The following NELL1 variants were observed in gnomAD, a reference collection of about 807,000 sequenced individuals.
NELL1 encodes protein kinase C-binding protein NELL1.
A neutral mutation model predicts 107.4 loss-of-function variants in NELL1; 76 were observed. The ratio of observed to expected loss-of-function variants is 0.71; its 90% CI spans 0.59 to 0.86. The LOEUF (loss-of-function observed/expected upper bound fraction) is 0.86, where lower values mean the gene tolerates loss of function less well. Ranked by LOEUF, NELL1 falls within the 40% of genes least tolerant of loss-of-function variation. The pLI is 0.00. For synonymous variants in NELL1, 353 were observed against 341.2 expected (o/e 1.03, Z -0.38); for missense variants, 1,024 against 1,005.5 (o/e 1.02, Z -0.25).
intron 14 of NELL1, among the ~76,000 whole-genome samples, chr11:21,305,187 T>C (rs760891826): frequency 1.3e-5 from 2 of 152,054 alleles, no homozygotes; most frequent in Non-Finnish European, 2.9e-5. Flanking sequence ...CATTTAACTT[T>C]ATGCTCAAAT....
intron 14 of NELL1, among the ~76,000 whole-genome samples, chr11:21,317,893 A>G (rs1270326567): frequency 2.0e-5 from 3 of 152,142 alleles, no homozygotes; most frequent in African/African-American, 7.2e-5. Flanking sequence ...TAATATTATT[A>G]TTATGTAACC....
chr11:20,818,324 C>T (rs562144050), intron 3 of NELL1, among the ~76,000 whole-genome samples: 4 of 150,456 alleles, frequency 2.7e-5, no homozygotes, highest in Non-Finnish European at 4.4e-5. Flanking sequence ...AACTTTTCAG[C>T]ATACGTAACG....
intron 4 of NELL1, among the ~76,000 whole-genome samples, chr11:20,869,444 G>T (rs1172617352): frequency 6.6e-6 from 1 of 152,144 alleles, no homozygotes; most frequent in Non-Finnish European, 1.5e-5. Context: ...AAGTGCTGAT[G>T]GACAATTAAT....
rs1040151385 is a variant in NELL1 at position 21,185,446 on chromosome 11, C to T, written c.1427-43886C>T. Among the ~76,000 whole-genome samples the T allele has an allele frequency of 2.3e-4, 35 of 151,498 alleles. 2 individuals carry two copies. Among genetic ancestry groups the T allele is most frequent in the African/African-American group, 7.1e-4 (29 of 40,926 alleles). The stretch of plus-strand genomic sequence containing the variant: ...AATAGCTGGGATTACAGGTGCCCGC[C>T]ACCACACCCGGCTAATTTTTGTATA... On this transcript the variant is annotated intron_variant, in intron 13 of 19. Transcript: ENST00000357134.
At chr11:21,004,397 G>T (rs1442025992) in intron 12 of NELL1, among the ~76,000 whole-genome samples, 1 of 151,810 alleles carries the variant, frequency 6.6e-6, no homozygotes, top group Non-Finnish European at 1.5e-5. Context: ...TTATTGTCTT[G>T]CTCGATTATG....
rs75785624 is a variant in NELL1, at chr11:20,931,619, G to C, written c.997+3140G>C. 3.6e-3 allele frequency among the ~76,000 whole-genome samples: 554 copies of C among 152,230 alleles called. 8 individuals carry two copies. The highest frequency in any genetic ancestry group is 0.013 in the African/African-American group (520 of 41,540). ...ACAAAGAAAAAATTGTATCTTGTAT[G>C]AATAACTTATAGTCAAATCTTGTTT... On this transcript the variant is annotated intron_variant, in intron 9 of 19. Transcript: ENST00000357134.
At chr11:21,425,139 G>A (rs750484714) in intron 15 of NELL1, among the ~76,000 whole-genome samples, 8 of 152,030 alleles carry the variant, frequency 5.3e-5, no homozygotes, top group Non-Finnish European at 1.0e-4. Flanking sequence ...AGCAATCTAC[G>A]GATTCAAAGC....
intron 12 of NELL1, among the ~76,000 whole-genome samples, chr11:20,999,141 TG>T (rs1455813382): frequency 6.6e-6 from 1 of 152,192 alleles, no homozygotes; most frequent in Non-Finnish European, 1.5e-5. Flanking sequence ...TATCAAATGC[TG>T]GGGTTAAGGT....
intron 2 of NELL1, among the ~76,000 whole-genome samples, chr11:20,725,248 T>C (rs1855483049): frequency 1.3e-5 from 2 of 152,230 alleles, no homozygotes. Flanking sequence ...CCAACTACTA[T>C]TGTTCCAAAT....
intron 12 of NELL1, among the ~76,000 whole-genome samples, chr11:20,992,369 T>G (rs886944759): frequency 3.3e-5 from 5 of 152,210 alleles, no homozygotes; most frequent in Non-Finnish European, 1.5e-5. Flanking sequence ...TGAACGTTTT[T>G]GGGTATTTTG....
intron 14 of NELL1, among the ~76,000 whole-genome samples, chr11:21,343,543 C>T (rs1850621556): frequency 6.6e-6 from 1 of 152,072 alleles, no homozygotes; most frequent in South Asian, 2.1e-4. Context: ...TCAAATCATC[C>T]ATTAGTGTCT....
At chr11:21,147,877 A>G (rs1202428105) in intron 13 of NELL1, among the ~76,000 whole-genome samples, 1 of 148,354 alleles carries the variant, frequency 6.7e-6, no homozygotes, top group Non-Finnish European at 1.5e-5. Context: ...AAAAGAAAAG[A>G]TATCTTTTTA....
intron 7 of NELL1, among the ~76,000 whole-genome samples, chr11:20,925,729 AT>A (rs201463116): frequency 6.6e-6 from 1 of 152,114 alleles, no homozygotes; most frequent in African/African-American, 2.4e-5. Context: ...CTAAGATCCT[AT>A]TTTTTGTTTT....
At chr11:21,070,877 C>T (rs771797563) in intron 12 of NELL1, among the ~76,000 whole-genome samples, 3 of 152,068 alleles carry the variant, frequency 2.0e-5, no homozygotes, top group Non-Finnish European at 2.9e-5. Context: ...CTTGCCAGAT[C>T]GAAAATATCA....
chr11:20,690,192 A>G (rs564653124), intron 2 of NELL1, among the ~76,000 whole-genome samples: 5 of 152,320 alleles, frequency 3.3e-5, no homozygotes, highest in Non-Finnish European at 5.9e-5. Context: ...GCCCTTTGTC[A>G]GATGAGTAGG....
chr11:21,562,393 C>G (rs1856869488), intron 17 of NELL1, among the ~76,000 whole-genome samples: 1 of 151,906 alleles, frequency 6.6e-6, no homozygotes, highest in South Asian at 2.1e-4. Flanking sequence ...GAATAAAGTA[C>G]AGGCAGATTT....
intron 7 of NELL1, among the ~76,000 whole-genome samples, chr11:20,925,200 A>T (rs1325567512): frequency 6.6e-6 from 1 of 152,190 alleles, no homozygotes; most frequent in Non-Finnish European, 1.5e-5. Flanking sequence ...AGTGTATTTT[A>T]TCCGTTTCCT....
rs201134228 is a variant in NELL1, at chr11:21,560,308, C to T, written c.1906C>T (p.His636Tyr). 921 of 1,613,186 alleles carry T rather than the reference C, an allele frequency of 5.7e-4. 9 individuals are homozygous for T. In the Admixed American group the frequency reaches 0.013, roughly 23 times the overall value. The change falls in exon 17 of 20, where the codon CAT becomes TAT. Residue 636 changes from histidine (H) to tyrosine (Y), a missense_variant. His to Tyr is a moderately conservative substitution (Grantham distance 83). Coordinates refer to ENST00000357134, the MANE Select transcript of NELL1 (RefSeq NM_006157.5). ...GCCCTCCTGCTCTGGTGACTGTCCT[C>T]ATGAAGGGGGGCTGAAGCACAATGG... ...SGPSCSGDCP[H>Y]EGGLKHNGQV... is the part of the protein sequence containing the mutation.
chr11:21,309,011 G>T (rs757330368), intron 14 of NELL1, among the ~76,000 whole-genome samples: 8 of 150,844 alleles, frequency 5.3e-5, no homozygotes, highest in Non-Finnish European at 5.9e-5. Context: ...TATCATTTTT[G>T]GGAAACACTT....
Sources: allele counts gnomAD v4.1 joint callset (sites outside exome capture counted in the v4.1 genomes callset), GRCh38; gene constraint gnomAD v4.1.1; transcripts MANE v1.5; gene names NCBI Gene and HGNC (gene_info 2026-07-23, HGNC 2026-07-21).